SLC9A8: variants seen among roughly 807,000 people sequenced by gnomAD.
SLC9A8 encodes solute carrier family 9 member A8, also known as sodium/hydrogen exchanger 8.
In SLC9A8, 48 loss-of-function variants were observed where a neutral mutation model predicts 66.6. That is an observed-to-expected ratio of 0.72 (90% CI 0.57 to 0.92). The LOEUF (loss-of-function observed/expected upper bound fraction) is 0.92. Among genes scored for constraint, SLC9A8 ranks in the 40% least tolerant of loss-of-function variants. The pLI is 0.00. For synonymous variants in SLC9A8, 274 were observed against 282.6 expected, an observed-to-expected ratio of 0.97 and a Z score of 0.31; for missense variants, 599 against 747.3, an observed-to-expected ratio of 0.80 and a Z score of 2.31.
rs201073525 is a variant in SLC9A8 at position 49,864,741 on chromosome 20, G to A, written c.855G>A (p.Val285=). ...CTTCCTTGACAGTTGTCATTTACGT[G>A]CTGAAGCATATTGACTTGAGGAAAA... ...GTLTGLISAL[V]LKHIDLRKTP... The change falls in exon 10 of 16, where the codon GTG becomes GTA. Residue 285 remains valine, a splice_region_variant and synonymous_variant. Transcript: ENST00000361573. 6.9e-5 allele frequency: 112 copies of A among 1,612,540 alleles called. No homozygotes were observed. The highest frequency in any genetic ancestry group is 8.7e-5 in the Non-Finnish European group (102 of 1,178,680).
chr20:49,862,154 T>C (rs1169059082), intron 8 of SLC9A8, among the ~76,000 whole-genome samples: 3 of 149,198 alleles, frequency 2.0e-5, no homozygotes, highest in East Asian at 2.1e-4. Flanking sequence ...TGCATATGCA[T>C]GGGCTCTCTT....
At chr20:49,858,932 AGAGC>A (rs1361981181) in intron 8 of SLC9A8, among the ~76,000 whole-genome samples, 10 of 151,218 alleles carry the variant, frequency 6.6e-5, no homozygotes, top group Non-Finnish European at 1.0e-4. Flanking sequence ...CACTCCAGCC[AGAGC>A]GACAGAGCAA....
chr20:49,889,510 G>C lies in SLC9A8; in HGVS notation c.*1574G>C, dbSNP rs535398585. On this transcript the variant is annotated 3_prime_UTR_variant, in exon 16 of 16. Transcript: ENST00000361573. ...GACCTTCCAGGTTCCTCTGTGCCAGGAATGAGAGGCCAGGCCCGATCCTAC... is the reference window on the plus strand; with the variant it reads ...GACCTTCCAGGTTCCTCTGTGCCAGCAATGAGAGGCCAGGCCCGATCCTAC... 6 of 152,364 alleles carry C rather than the reference G, an allele frequency of 3.9e-5. No individual in the cohort carries two copies. The South Asian group carries it at 1.0e-3, about 26-fold the overall frequency. The allele number at this position is 152,364 out of a possible 1,614,324, so 9.4% of individuals were successfully genotyped here.
intron 4 of SLC9A8, among the ~76,000 whole-genome samples, chr20:49,840,990 T>C (rs1214429551): frequency 2.7e-5 from 4 of 150,872 alleles, no homozygotes; most frequent in Non-Finnish European, 5.9e-5. Flanking sequence ...AAATTTGAAT[T>C]GACTTTAAAA....
chr20:49,834,420 G>GTATATATATACTGTATATA (rs1192517246), intron 3 of SLC9A8, among the ~76,000 whole-genome samples: 1 of 30,508 alleles, frequency 3.3e-5, no homozygotes, highest in Non-Finnish European at 7.1e-5. Context: ...TATATATACT[G>GTATATATATACTGTATATA]TATATATATA....
At chr20:49,829,982 G>A (rs142010593) in intron 3 of SLC9A8, 99 of 615,210 alleles carry the variant, frequency 1.6e-4, no homozygotes, top group African/African-American at 1.2e-3. Context: ...TGTCACCATC[G>A]TGGAGTCCGG....
chr20:49,835,678 A>ATTT (rs2087502552), intron 3 of SLC9A8, among the ~76,000 whole-genome samples: 2 of 83,838 alleles, frequency 2.4e-5, no homozygotes, highest in Non-Finnish European at 4.4e-5. Flanking sequence ...CACACAATTC[A>ATTT]CTTTTTTTTT....
intron 3 of SLC9A8, among the ~76,000 whole-genome samples, chr20:49,827,189 G>T (rs1379419395): frequency 6.6e-6 from 1 of 151,544 alleles, no homozygotes; most frequent in Non-Finnish European, 1.5e-5. Context: ...TGATCTGCCT[G>T]CCTCGGCTTC....
At chr20:49,882,511 C>G (rs921183766) in intron 13 of SLC9A8, among the ~76,000 whole-genome samples, 2 of 152,238 alleles carry the variant, frequency 1.3e-5, no homozygotes, top group Non-Finnish European at 2.9e-5. Context: ...CCCAGCCCCA[C>G]TTCTGTTCAC....
In SLC9A8 at chr20:49,892,223, G is replaced by A. The variant is rs1189230299; in HGVS notation, c.*4287G>A. 2 of 152,292 alleles carry A rather than the reference G, an allele frequency of 1.3e-5. No individual in the cohort carries two copies. Among genetic ancestry groups the A allele is most frequent in the Admixed American group, 1.3e-4 (2 of 15,284 alleles). The allele number at this position is 152,292 out of a possible 1,614,324, so 9.4% of individuals were successfully genotyped here. ...CACTGGATGCCTATTTAGAAATAAA[G>A]TGTATGCTGCTGAATTGGAGCCAGT... On this transcript the variant is annotated 3_prime_UTR_variant, in exon 16 of 16. Transcript: ENST00000361573.
At position 49,889,801 on chromosome 20, in the gene SLC9A8, AC is replaced by A. The variant is rs1317376648; in HGVS notation, c.*1869del. On this transcript the variant is annotated 3_prime_UTR_variant, in exon 16 of 16. Coordinates refer to ENST00000361573, the MANE Select transcript of SLC9A8 (RefSeq NM_015266.3). ...GGATCTGAGACCAGATTGTTCTCGC[AC>A]CCCTGCCAGAACTCACTCTCCCCTG... 1 of 152,034 alleles carries A rather than the reference AC, an allele frequency of 6.6e-6. No homozygotes were observed. Among genetic ancestry groups the A allele is most frequent in the African/African-American group, 2.4e-5 (1 of 41,376 alleles). The allele number at this position is 152,034 out of a possible 1,614,324, so 9.4% of individuals were successfully genotyped here.
At chr20:49,831,081 A>G in intron 3 of SLC9A8, 1 of 669,242 alleles carries the variant, frequency 1.5e-6, no homozygotes, top group Non-Finnish European at 2.8e-6. Flanking sequence ...GCCTGCATAC[A>G]CTAAGCCGTC....
intron 2 of SLC9A8, among the ~76,000 whole-genome samples, chr20:49,817,299 A>G (rs1219575985): frequency 1.3e-5 from 2 of 151,826 alleles, no homozygotes; most frequent in African/African-American, 2.4e-5. Flanking sequence ...CCTGAGTGAC[A>G]AGAGGGAAAC....
chr20:49,865,637 A>G (rs560089396), intron 10 of SLC9A8, among the ~76,000 whole-genome samples: 1 of 152,300 alleles, frequency 6.6e-6, no homozygotes, highest in Admixed American at 6.5e-5. Context: ...GGCCAGTCAC[A>G]GCGTAATGAT....
intron 3 of SLC9A8, chr20:49,830,799 G>C: frequency 9.7e-7 from 1 of 1,034,576 alleles, no homozygotes; most frequent in Non-Finnish European, 1.5e-6. Context: ...GCTGACCCTG[G>C]CCTAGGTGAC....
At chr20:49,863,217 AC>A (rs1378888843) in intron 9 of SLC9A8, 150 bp downstream of exon 9, 2 of 657,700 alleles carry the variant, frequency 3.0e-6, no homozygotes, top group African/African-American at 1.8e-5. Flanking sequence ...TGTTTGAGAA[AC>A]ACTCTAACTC....
At chr20:49,834,163 CT>C (rs2087332920) in intron 3 of SLC9A8, among the ~76,000 whole-genome samples, 1 of 55,044 alleles carries the variant, frequency 1.8e-5, no homozygotes, top group African/African-American at 7.6e-5. Context: ...CTCTCTCTCT[CT>C]CTCTCTCTCT....
chr20:49,812,886 G>A lies in SLC9A8; in HGVS notation c.-37G>A, dbSNP rs563754796. 28 of 1,498,086 alleles carry A rather than the reference G, an allele frequency of 1.9e-5. No homozygotes were observed. In the South Asian group the frequency reaches 3.0e-4, roughly 16 times the overall value. The allele number at this position is 1,498,086 out of a possible 1,614,324, so 92.8% of individuals were successfully genotyped here. A position where few individuals can be genotyped will look rare whatever the true frequency, so the allele number is the denominator to read the frequency against. ...AGCAAAAGCGGGTCCTGCTAGCCCCGCGGCTCCGAACTCGGTGGTCCTGGA... is the reference window on the plus strand; with the variant it reads ...AGCAAAAGCGGGTCCTGCTAGCCCCACGGCTCCGAACTCGGTGGTCCTGGA... On this transcript the variant is annotated 5_prime_UTR_variant, in exon 1 of 16. Coordinates refer to ENST00000361573, the MANE Select transcript of SLC9A8 (RefSeq NM_015266.3).
At chr20:49,851,464 C>T in intron 7 of SLC9A8, among the ~76,000 whole-genome samples, 1 of 152,202 alleles carries the variant, frequency 6.6e-6, no homozygotes. Flanking sequence ...CCATGCTGAG[C>T]ATAGTCTGGG....
Sources: allele counts gnomAD v4.1 joint callset (sites outside exome capture counted in the v4.1 genomes callset), GRCh38; gene constraint gnomAD v4.1.1; transcripts MANE v1.5; gene names NCBI Gene and HGNC (gene_info 2026-07-23, HGNC 2026-07-21).